Variants in CHMP4B observed in about 807,000 individuals in gnomAD.
CHMP4B encodes the protein charged multivesicular body protein 4B, also known as SNF7 homolog associated with Alix 1.
CHMP4B carries 1 observed loss-of-function variant against 25.1 expected under a neutral mutation model. That is an observed-to-expected ratio of 0.04 (90% CI 0.01 to 0.19). The LOEUF (loss-of-function observed/expected upper bound fraction) is 0.19. Among genes scored for constraint, CHMP4B ranks in the 10% least tolerant of loss-of-function variants. The probability of loss-of-function intolerance (pLI) is 1.00; values close to 1 mark genes in which losing one functional copy is unlikely to be tolerated. For synonymous variants in CHMP4B, 101 were observed against 115.6 expected (o/e 0.87, Z 0.81); for missense variants, 151 against 289.7 (o/e 0.52, Z 3.48).
chr20:33,846,444 C>T (rs1193566014), intron 1 of CHMP4B, among the ~76,000 whole-genome samples: 1 of 152,188 alleles, frequency 6.6e-6, no homozygotes, highest in Non-Finnish European at 1.5e-5. Context: ...ATTACGGATT[C>T]AGTGGCTTTT....
intron 1 of CHMP4B, among the ~76,000 whole-genome samples, chr20:33,843,856 C>G (rs1979608486): frequency 6.6e-6 from 1 of 152,172 alleles, no homozygotes; most frequent in Non-Finnish European, 1.5e-5. Context: ...AGATGCTGAC[C>G]CCATGTCTAT....
At chr20:33,818,524 A>G (rs1359367578) in intron 1 of CHMP4B, among the ~76,000 whole-genome samples, 1 of 105,496 alleles carries the variant, frequency 9.5e-6, no homozygotes, top group Non-Finnish European at 1.9e-5. Context: ...CAACTGTAAA[A>G]TCACCTTTCT....
chr20:33,851,337 G>A (rs865783046), intron 3 of CHMP4B, among the ~76,000 whole-genome samples: 1 of 152,212 alleles, frequency 6.6e-6, no homozygotes, highest in Non-Finnish European at 1.5e-5. Context: ...CACCTTTCCA[G>A]GGTGGGCCCT....
chr20:33,822,893 C>A (rs564388556), intron 1 of CHMP4B, among the ~76,000 whole-genome samples: 1 of 152,168 alleles, frequency 6.6e-6, no homozygotes, highest in Admixed American at 6.5e-5. Context: ...CTCCTGGGTT[C>A]ATGCCATTCT....
chr20:33,853,263 T>G (rs1242539107), intron 4 of CHMP4B, among the ~76,000 whole-genome samples: 1 of 152,114 alleles, frequency 6.6e-6, no homozygotes, highest in Non-Finnish European at 1.5e-5. Flanking sequence ...CCTTGTTTTG[T>G]CTGGGCCTGC....
At chr20:33,828,133 T>TTTTATTAA (rs1979143158) in intron 1 of CHMP4B, among the ~76,000 whole-genome samples, 1 of 152,176 alleles carries the variant, frequency 6.6e-6, no homozygotes, top group African/African-American at 2.4e-5. Flanking sequence ...AAAACAGCCC[T>TTTTATTAA]CTCCCTTTTA....
At chr20:33,833,741 T>G (rs1341640669) in intron 1 of CHMP4B, among the ~76,000 whole-genome samples, 1 of 152,168 alleles carries the variant, frequency 6.6e-6, no homozygotes, top group Non-Finnish European at 1.5e-5. Flanking sequence ...TCCTCTGGGC[T>G]CTCTCCTACC....
intron 1 of CHMP4B, among the ~76,000 whole-genome samples, chr20:33,830,933 G>GTTGTTTTTTTTTTTTTTTTTT (rs746793442): frequency 9.8e-6 from 1 of 102,524 alleles, no homozygotes; most frequent in African/African-American, 3.7e-5. Context: ...AAGGAACAGA[G>GTTGTTTTTTTTTTTTTTTTTT]TTTTTTTTTT....
At chr20:33,821,841 G>A (rs933613053) in intron 1 of CHMP4B, among the ~76,000 whole-genome samples, 7 of 151,104 alleles carry the variant, frequency 4.6e-5, no homozygotes, top group Non-Finnish European at 8.8e-5. Context: ...TTCTTTCTTT[G>A]TCAGTCTTGC....
rs569657474 is a variant in CHMP4B, at chr20:33,843,204, A to G, written c.191-5263A>G. The stretch of plus-strand genomic sequence containing the variant: ...TAATGAAGCAACTGTCTGGAGACCA[A>G]TGTTTATTTCAACATGGTTGGAGTT... On this transcript the variant is annotated intron_variant, in intron 1 of 4. Coordinates refer to ENST00000217402, the MANE Select transcript of CHMP4B (RefSeq NM_176812.5). Among the ~76,000 whole-genome samples, 13 of 152,326 alleles carry G rather than the reference A, an allele frequency of 8.5e-5. No individual in the cohort carries two copies. The South Asian group carries it at 2.5e-3, about 29-fold the overall frequency.
At chr20:33,819,030 C>T (rs972096256) in intron 1 of CHMP4B, among the ~76,000 whole-genome samples, 2 of 152,136 alleles carry the variant, frequency 1.3e-5, no homozygotes, top group African/African-American at 4.8e-5. Flanking sequence ...CTGCCTCAGC[C>T]TCCCGAGTAG....
chr20:33,811,800 C>T, intron 1 of CHMP4B, 142 bp downstream of exon 1: 1 of 842,084 alleles, frequency 1.2e-6, no homozygotes, highest in South Asian at 1.5e-5. Flanking sequence ...GGTCTGGGAC[C>T]CCCTCCCCGA....
intron 1 of CHMP4B, among the ~76,000 whole-genome samples, chr20:33,826,311 G>C (rs1324075272): frequency 6.6e-6 from 1 of 152,078 alleles, no homozygotes; most frequent in Non-Finnish European, 1.5e-5. Context: ...GGAGACTGTG[G>C]GACCCAAGGT....
chr20:33,833,501 A>C (rs1005192490), intron 1 of CHMP4B, among the ~76,000 whole-genome samples: 1 of 152,144 alleles, frequency 6.6e-6, no homozygotes, highest in African/African-American at 2.4e-5. Flanking sequence ...AGTGGTTGCC[A>C]GCCCCTTCTC....
intron 1 of CHMP4B, among the ~76,000 whole-genome samples, chr20:33,817,513 G>T (rs1256703690): frequency 1.3e-5 from 2 of 152,188 alleles, no homozygotes; most frequent in Non-Finnish European, 2.9e-5. Flanking sequence ...CCAGAGTTGG[G>T]TTTGAGTGTG....
At chr20:33,848,420 C>T in intron 1 of CHMP4B, 47 bp from the exon 2 acceptor site, 1 of 1,602,514 alleles carries the variant, frequency 6.2e-7, no homozygotes, top group Non-Finnish European at 8.5e-7. Flanking sequence ...ACTAGAACCT[C>T]ACCCTGTGCC....
At chr20:33,853,285 G>A (rs1162002152) in intron 4 of CHMP4B, among the ~76,000 whole-genome samples, 2 of 152,126 alleles carry the variant, frequency 1.3e-5, no homozygotes, top group Non-Finnish European at 1.5e-5. Flanking sequence ...GGAGGCGGAG[G>A]GTGGGTGCTG....
chr20:33,853,372 G>A (rs1297681207), intron 4 of CHMP4B, 124 bp from the exon 5 acceptor site: 1 of 840,430 alleles, frequency 1.2e-6, no homozygotes, highest in African/African-American at 1.6e-5. Context: ...ACAGCCTGGA[G>A]AGGAGTCTGG....
intron 4 of CHMP4B, among the ~76,000 whole-genome samples, chr20:33,852,585 C>T (rs118016912): frequency 6.6e-6 from 1 of 152,334 alleles, no homozygotes; most frequent in East Asian, 1.9e-4. Flanking sequence ...AAAATGTCTT[C>T]AGACATGGCC....
Sources: allele counts gnomAD v4.1 joint callset (sites outside exome capture counted in the v4.1 genomes callset), GRCh38; gene constraint gnomAD v4.1.1; transcripts MANE v1.5; gene names NCBI Gene and HGNC (gene_info 2026-07-23, HGNC 2026-07-21).